The following CCDC158 variants were observed in gnomAD, a reference collection of about 807,000 sequenced individuals.
CCDC158 encodes coiled-coil domain-containing protein 158.
Under a neutral mutation model 138.6 loss-of-function variants are expected in CCDC158, and 116 were observed. The ratio of observed to expected loss-of-function variants is 0.84; its 90% CI spans 0.72 to 0.98. The LOEUF is 0.98. Among genes scored for constraint, CCDC158 ranks in the 50% least tolerant of loss-of-function variants. The pLI, the probability that CCDC158 is intolerant of heterozygous loss-of-function variation, is 0.00. For missense variants in CCDC158, 1,265 were observed against 1,306.1 expected, an observed-to-expected ratio of 0.97 and a Z score of 0.48; for synonymous variants, 436 against 442.4, an observed-to-expected ratio of 0.99 and a Z score of 0.18.
chr4:76,317,043 G>A (rs958121582), intron 24 of CCDC158, among the ~76,000 whole-genome samples: 2 of 150,630 alleles, frequency 1.3e-5, no homozygotes, highest in African/African-American at 2.4e-5. Context: ...AAATCTCACA[G>A]GGCCTATAAA....
chr4:76,335,506 G>A (rs959246749), intron 18 of CCDC158, among the ~76,000 whole-genome samples: 2 of 152,140 alleles, frequency 1.3e-5, no homozygotes, highest in Non-Finnish European at 2.9e-5. Context: ...ATATAAATAT[G>A]TTGTTCTCCC....
chr4:76,408,930 G>A lies in CCDC158; in HGVS notation c.-74+3160C>T, dbSNP rs531066640. ...TGTGGTTTTGATTTGCATTTCTGAC[G>A]GCCAGTGATGATGAGCATTTTTTCA... On this transcript the variant is annotated intron_variant, in intron 2 of 24. Transcript: ENST00000682701. Among the ~76,000 whole-genome samples, 11 of 152,194 alleles carry A rather than the reference G, an allele frequency of 7.2e-5. No homozygotes were observed. The South Asian group carries it at 1.2e-3, about 17-fold the overall frequency.
At chr4:76,370,627 G>C (rs895369192) in intron 10 of CCDC158, among the ~76,000 whole-genome samples, 45 of 152,112 alleles carry the variant, frequency 3.0e-4, no homozygotes, top group African/African-American at 1.1e-3. Context: ...GTAATGAGGG[G>C]TTGAACGAGA....
intron 21 of CCDC158, among the ~76,000 whole-genome samples, chr4:76,329,638 G>A (rs911093303): frequency 6.6e-6 from 1 of 152,114 alleles, no homozygotes; most frequent in Non-Finnish European, 1.5e-5. Context: ...AGTAGTATCA[G>A]TGTACAAAAC....
At position 76,325,735 on chromosome 4, in the gene CCDC158, G is replaced by A. The variant is rs1482712645; in HGVS notation, c.3169+122C>T. 3 of 714,834 alleles carry A rather than the reference G, an allele frequency of 4.2e-6. No homozygotes were observed. In the East Asian group the frequency reaches 8.3e-5, roughly 20 times the overall value. The allele number at this position is 714,834 out of a possible 1,614,324, so 44.3% of individuals were successfully genotyped here. ...AAAAAAGACCTGTTTAAATTACACA[G>A]AATCAGTTAGAGCTTACACATAAGA... On this transcript the variant is annotated intron_variant, in intron 23 of 24. Coordinates refer to ENST00000682701, the MANE Select transcript of CCDC158 (RefSeq NM_001394954.1).
At chr4:76,385,945 T>C (rs1049859660) in intron 4 of CCDC158, among the ~76,000 whole-genome samples, 1 of 152,108 alleles carries the variant, frequency 6.6e-6, no homozygotes, top group Non-Finnish European at 1.5e-5. Flanking sequence ...CGATACTGAA[T>C]GCAAAAGCAC....
intron 2 of CCDC158, among the ~76,000 whole-genome samples, chr4:76,408,101 C>T (rs916070049): frequency 4.0e-5 from 6 of 150,826 alleles, no homozygotes; most frequent in African/African-American, 1.5e-4. Context: ...TTTTTTACTG[C>T]TCCTTGTGCA....
intron 22 of CCDC158, among the ~76,000 whole-genome samples, 153 bp from the exon 23 acceptor site, chr4:76,326,168 C>G (rs906060922): frequency 6.6e-6 from 1 of 152,158 alleles, no homozygotes; most frequent in African/African-American, 2.4e-5. Context: ...GGGGTTGGAA[C>G]TGAAAAGGGT....
chr4:76,351,641 TA>T, intron 17 of CCDC158, 78 bp downstream of exon 17: 1 of 818,224 alleles, frequency 1.2e-6, no homozygotes. Flanking sequence ...AATGTGTATC[TA>T]AGGTACACAA....
intron 9 of CCDC158, among the ~76,000 whole-genome samples, chr4:76,378,263 G>A (rs1361558569): frequency 6.6e-6 from 1 of 152,164 alleles, no homozygotes; most frequent in East Asian, 1.9e-4. Context: ...GGAAGAATTC[G>A]TGCTGCAATA....
chr4:76,332,398 A>G (rs1302719140), intron 20 of CCDC158, 34 bp downstream of exon 20: 2 of 1,559,988 alleles, frequency 1.3e-6, no homozygotes, highest in Non-Finnish European at 1.8e-6. Flanking sequence ...TATTTGGACA[A>G]TTAATTTGAT....
intron 16 of CCDC158, 144 bp from the exon 17 acceptor site, chr4:76,351,956 T>C (rs1723086054): frequency 3.5e-6 from 2 of 575,202 alleles, no homozygotes; most frequent in East Asian, 2.9e-5. Context: ...TATTTATCTG[T>C]TTTATTTAGT....
At chr4:76,406,784 T>C (rs1728862157) in intron 2 of CCDC158, among the ~76,000 whole-genome samples, 2 of 151,996 alleles carry the variant, frequency 1.3e-5, no homozygotes, top group Non-Finnish European at 2.9e-5. Context: ...TGAAAAATAA[T>C]AATGAAAATA....
At chr4:76,313,309 G>C in intron 24 of CCDC158, 63 bp from the exon 25 acceptor site, 1 of 970,448 alleles carries the variant, frequency 1.0e-6, no homozygotes, top group Non-Finnish European at 1.6e-6. Context: ...TCTACTATGT[G>C]CTACTTAAAA....
intron 2 of CCDC158, among the ~76,000 whole-genome samples, chr4:76,403,987 G>C (rs1448241659): frequency 6.6e-6 from 1 of 152,104 alleles, no homozygotes; most frequent in Non-Finnish European, 1.5e-5. Flanking sequence ...AAAATATTAA[G>C]CACAGGTTGG....
In CCDC158 at chr4:76,328,592, T is replaced by A. The variant is rs1261400304; in HGVS notation, c.3010+308A>T. On this transcript the variant is annotated intron_variant, in intron 22 of 24. Coordinates refer to ENST00000682701, the MANE Select transcript of CCDC158 (RefSeq NM_001394954.1). ...AGCCATCACACCTGGCTGGTTGTGA[T>A]CTTTAAATGAGGTGATGACAATTAA... Among the ~76,000 whole-genome samples the A allele has an allele frequency of 2.0e-5, 3 of 152,332 alleles. No individual in the cohort carries two copies. In the East Asian group the frequency reaches 5.8e-4, roughly 29 times the overall value.
At chr4:76,334,594 A>G (rs1721298391) in intron 18 of CCDC158, among the ~76,000 whole-genome samples, 1 of 152,114 alleles carries the variant, frequency 6.6e-6, no homozygotes, top group Non-Finnish European at 1.5e-5. Flanking sequence ...GAGTTAATCT[A>G]CTCCCCACAT....
chr4:76,416,247 C>T (rs1729688567), intron 1 of CCDC158, among the ~76,000 whole-genome samples: 2 of 152,174 alleles, frequency 1.3e-5, no homozygotes. Flanking sequence ...GGCTCACACT[C>T]CTTACCCTGC....
At chr4:76,359,511 G>A (rs569358076) in intron 13 of CCDC158, among the ~76,000 whole-genome samples, 1 of 152,348 alleles carries the variant, frequency 6.6e-6, no homozygotes, top group Non-Finnish European at 1.5e-5. Context: ...AGTCCAGGCT[G>A]AAGAAGTCTC....
Sources: gnomAD v4.1 joint callset for allele counts (sites outside exome capture counted in the v4.1 genomes callset) on GRCh38, gnomAD v4.1.1 for gene constraint, MANE v1.5 for transcripts, NCBI Gene and HGNC (gene_info 2026-07-23, HGNC 2026-07-21) for gene names.